RCBTB1: variants seen among roughly 807,000 people sequenced by gnomAD.
The protein encoded by RCBTB1 is RCC1 and BTB domain-containing protein 1.
In RCBTB1, 46 loss-of-function variants were observed where a neutral mutation model predicts 62.4. The observed-to-expected ratio is 0.74, with a 90% CI of 0.58 to 0.94. The LOEUF (loss-of-function observed/expected upper bound fraction) is 0.94, where lower values mean the gene tolerates loss of function less well. Among genes scored for constraint, RCBTB1 ranks in the 40% least tolerant of loss-of-function variants. RCBTB1 has a pLI of 0.00. For synonymous variants in RCBTB1, 222 were observed against 245.8 expected (o/e 0.90, Z 0.91); for missense variants, 565 against 654.9 (o/e 0.86, Z 1.50).
At chr13:49,542,230 T>G (rs1969881) in intron 10 of RCBTB1, among the ~76,000 whole-genome samples, 150,424 of 150,472 alleles carry the variant, frequency 1, 75,188 homozygotes, top group Middle Eastern at 1. Flanking sequence ...AAAAAAAAAG[T>G]AAGTATATTA....
At chr13:49,549,671 C>A in intron 8 of RCBTB1, 23 bp from the exon 9 acceptor site, 1 of 1,585,038 alleles carries the variant, frequency 6.3e-7, no homozygotes, top group Non-Finnish European at 8.6e-7. Context: ...AAGAAAAATG[C>A]ATGTTACTTC....
In RCBTB1 at chr13:49,540,918, A is replaced by G. The variant is rs930863274; in HGVS notation, c.1413T>C (p.Asn471=). The change falls in exon 12 of 13, where the codon AAT becomes AAC. Residue 471 remains asparagine (N), a synonymous_variant. Transcript: ENST00000378302. The part of the protein sequence containing the change: ...HIIKRGITVE[N]AFSLFSAAVR... ...CTGCAGCAGAGAATAGCGAAAAGGC[A>G]TTCTCCACAGTAATTCCTCTCTTGA... is the stretch of plus-strand genomic sequence containing the variant. 1.2e-6 allele frequency: 2 copies of G among 1,614,044 alleles called. No homozygotes were observed. The highest frequency in any genetic ancestry group is 1.7e-6 in the Non-Finnish European group (2 of 1,180,020).
rs745312513 is a variant in RCBTB1 at position 49,555,650 on chromosome 13, G to A, written c.468C>T (p.Asn156=). ...TAGAACCTGATCCCACTTGGCCACA[G>A]TTGTTATAACCCCAAGCAAACACCT... is the stretch of plus-strand genomic sequence containing the variant. The part of the protein sequence containing the change: ...DGEVFAWGYN[N]CGQVGSGSTA... Residue 156 remains asparagine, a synonymous_variant, in exon 6 of 13, where the codon AAC becomes AAT. Coordinates refer to ENST00000378302, the MANE Select transcript of RCBTB1 (RefSeq NM_018191.4). 1.9e-6 allele frequency: 3 copies of A among 1,605,906 alleles called. No individual in the cohort carries two copies. The South Asian group carries it at 3.3e-5, about 18-fold the overall frequency.
chr13:49,578,744 G>A (rs1360853091), intron 2 of RCBTB1, among the ~76,000 whole-genome samples: 1 of 152,210 alleles, frequency 6.6e-6, no homozygotes, highest in Non-Finnish European at 1.5e-5. Flanking sequence ...TATTCCAGCA[G>A]ATGATAAAAT....
At chr13:49,553,186 G>T (rs1053132677) in intron 6 of RCBTB1, among the ~76,000 whole-genome samples, 1 of 152,126 alleles carries the variant, frequency 6.6e-6, no homozygotes, top group Non-Finnish European at 1.5e-5. Flanking sequence ...AGACTAGAAG[G>T]AAAGGCAAGA....
rs771664503 is a variant in RCBTB1 at position 49,552,180 on chromosome 13, G to C, written c.709C>G (p.Gln237Glu). 1.9e-6 allele frequency: 3 copies of C among 1,571,518 alleles called. No individual in the cohort carries two copies. Among genetic ancestry groups the C allele is most frequent in the East Asian group, 2.3e-5 (1 of 43,538 alleles). ...VAALHSVCVN[Q>E]IVCGYAHTLA... ...AACTGAGAGTGCACCACACGTACCT[G>C]GTTCACACACACGCTGTGCAAAGCT... is the stretch of plus-strand genomic sequence containing the variant. Residue 237 changes from glutamine to glutamate, a missense_variant and splice_region_variant, in exon 7 of 13, where the codon CAG (glutamine) becomes GAG (glutamate). Coordinates refer to ENST00000378302, the MANE Select transcript of RCBTB1 (RefSeq NM_018191.4).
At chr13:49,565,004 C>G (rs571940034) in intron 4 of RCBTB1, among the ~76,000 whole-genome samples, 2 of 152,106 alleles carry the variant, frequency 1.3e-5, no homozygotes, top group Non-Finnish European at 2.9e-5. Context: ...GTCCCGCTCC[C>G]GCTCCCATTC....
intron 12 of RCBTB1, among the ~76,000 whole-genome samples, chr13:49,537,288 T>C (rs1041077698): frequency 1.3e-5 from 2 of 152,222 alleles, no homozygotes; most frequent in Non-Finnish European, 2.9e-5. Flanking sequence ...AAGTACAAAA[T>C]ATTCCAAATC....
In RCBTB1 at chr13:49,541,672, G is replaced by GT; in HGVS notation, c.1324+3dup. The stretch of plus-strand genomic sequence containing the variant: ...GCTCGTCCATCCCAATGCTACCACA[G>GT]TACCTATAGCATCTTCTGGCGGCAG... On this transcript the variant is annotated splice_donor_region_variant and intron_variant, in intron 11 of 12. Coordinates refer to ENST00000378302, the MANE Select transcript of RCBTB1 (RefSeq NM_018191.4). 1 of 1,608,210 alleles carries GT rather than the reference G, an allele frequency of 6.2e-7. No individual in the cohort carries two copies. The highest frequency in any genetic ancestry group is 8.5e-7 in the Non-Finnish European group (1 of 1,177,990).
chr13:49,568,656 G>T (rs903058181), intron 2 of RCBTB1, among the ~76,000 whole-genome samples: 1 of 151,850 alleles, frequency 6.6e-6, no homozygotes, highest in African/African-American at 2.4e-5. Flanking sequence ...GCCGGGGGAG[G>T]GGGGTGGCTC....
Position 49,552,216 on chromosome 13 carries a change from C to G in RCBTB1, c.673G>C (p.Val225Leu), listed in dbSNP as rs764906670. The G allele has an allele frequency of 6.3e-7, 1 of 1,594,798 alleles. No individual in the cohort carries two copies. The highest frequency in any genetic ancestry group is 1.3e-5 in the African/African-American group (1 of 74,700). ...ACGCTGTGCAAAGCTGCCACTCTCA[C>G]AGGGGTCAGCTGGTTGCCATTGTTT... ...LGNNGNQLTP[V>L]RVAALHSVCV... is the part of the protein sequence containing the mutation. The change falls in exon 7 of 13, where the codon GTG becomes CTG. Residue 225 changes from valine (V) to leucine (L), a missense_variant. Physicochemically the swap from Val to Leu is conservative, Grantham distance 32. Coordinates refer to ENST00000378302, the MANE Select transcript of RCBTB1 (RefSeq NM_018191.4).
chr13:49,581,728 G>C (rs535775332), intron 1 of RCBTB1, among the ~76,000 whole-genome samples: 10 of 152,350 alleles, frequency 6.6e-5, no homozygotes, highest in African/African-American at 2.4e-4. Flanking sequence ...CCAGGAGACA[G>C]AGTGTCACAG....
chr13:49,542,748 A>T, intron 10 of RCBTB1, among the ~76,000 whole-genome samples: 1 of 149,272 alleles, frequency 6.7e-6, no homozygotes, highest in Admixed American at 6.7e-5. Context: ...CTCTCTTCCC[A>T]GGCCTGCTAC....
chr13:49,556,242 G>C (rs991329428), intron 5 of RCBTB1, among the ~76,000 whole-genome samples: 8 of 149,058 alleles, frequency 5.4e-5, no homozygotes, highest in Non-Finnish European at 8.9e-5. Context: ...TGTCCCCCAG[G>C]CTGGAGTGCA....
chr13:49,542,624 T>G (rs1960473802), intron 10 of RCBTB1, among the ~76,000 whole-genome samples: 1 of 152,248 alleles, frequency 6.6e-6, no homozygotes, highest in African/African-American at 2.4e-5. Context: ...ATATGTTAAC[T>G]GGATTACATC....
intron 2 of RCBTB1, among the ~76,000 whole-genome samples, chr13:49,571,261 G>A (rs888990283): frequency 2.6e-5 from 4 of 152,020 alleles, no homozygotes; most frequent in Non-Finnish European, 4.4e-5. Context: ...CAGGAGAATC[G>A]CTTGAACCTG....
At chr13:49,573,899 T>A (rs1415430908) in intron 2 of RCBTB1, among the ~76,000 whole-genome samples, 1 of 149,454 alleles carries the variant, frequency 6.7e-6, no homozygotes, top group African/African-American at 2.5e-5. Context: ...TTCTTGTGCC[T>A]CAGCCTCCCG....
chr13:49,566,269 A>AT (rs1566256634), intron 4 of RCBTB1, among the ~76,000 whole-genome samples: 4 of 89,378 alleles, frequency 4.5e-5, no homozygotes, highest in African/African-American at 3.1e-4. Flanking sequence ...AAAAAATAAA[A>AT]TAAAATAAAT....
At position 49,566,728 on chromosome 13, in the gene RCBTB1, G is replaced by A. The variant is rs769510106; in HGVS notation, c.167C>T (p.Thr56Ile). ...TACAAGTGTACTCTGGTTATCTCCA[G>A]TTCCTAGACAGTTACTATAGTTCAG... ...FGLNYSNCLG[T>I]GDNQSTLVPK... The change falls in exon 4 of 13, where the codon ACT (threonine) becomes ATT (isoleucine). Residue 56 changes from threonine to isoleucine, a missense_variant. Transcript: ENST00000378302. 2.2e-5 allele frequency: 35 copies of A among 1,613,840 alleles called. No individual in the cohort carries two copies. The highest frequency in any genetic ancestry group is 3.0e-5 in the Non-Finnish European group (35 of 1,179,824).
Sources: gnomAD v4.1 joint callset for allele counts (sites outside exome capture counted in the v4.1 genomes callset) on GRCh38, gnomAD v4.1.1 for gene constraint, MANE v1.5 for transcripts, NCBI Gene and HGNC (gene_info 2026-07-23, HGNC 2026-07-21) for gene names.